The following OGDHL variants were observed in gnomAD, a reference collection of about 807,000 sequenced individuals.
The protein encoded by OGDHL is 2-oxoglutarate dehydrogenase-like, mitochondrial.
A neutral mutation model predicts 109.6 loss-of-function variants in OGDHL; 79 were observed. That is an observed-to-expected ratio of 0.72 (90% confidence interval 0.60 to 0.87). OGDHL has a LOEUF of 0.87. OGDHL is among the 40% of genes least tolerant of loss of function. The probability of loss-of-function intolerance (pLI) is 0.00; values close to 1 mark genes in which losing one functional copy is unlikely to be tolerated. For missense variants in OGDHL, 1,275 were observed against 1,362.2 expected (o/e 0.94, Z 1.01); for synonymous variants, 528 against 537.2 (o/e 0.98, Z 0.24).
At chr10:49,740,957 G>GC in intron 15 of OGDHL, 120 bp from the exon 16 acceptor site, 1 of 1,289,528 alleles carries the variant, frequency 7.8e-7, no homozygotes, top group Non-Finnish European at 1.1e-6. Flanking sequence ...CAGGAAACCT[G>GC]CAGGGTCCCA....
chr10:49,753,170 A>C (rs1396302273), intron 3 of OGDHL, among the ~76,000 whole-genome samples: 2 of 152,226 alleles, frequency 1.3e-5, no homozygotes, highest in Non-Finnish European at 2.9e-5. Flanking sequence ...ATTGTTAAGC[A>C]AAAAAGCAAA....
At chr10:49,742,745 C>A (rs929971287) in intron 15 of OGDHL, 83 bp downstream of exon 15, 33 of 1,497,880 alleles carry the variant, frequency 2.2e-5, no homozygotes, top group Middle Eastern at 2.2e-4. Context: ...CCCACCCCAA[C>A]AAAGGCCCCC....
At chr10:49,747,269 C>A (rs1461798709) in intron 8 of OGDHL, 61 bp from the exon 9 acceptor site, 2 of 1,560,466 alleles carry the variant, frequency 1.3e-6, no homozygotes, top group East Asian at 2.2e-5. Flanking sequence ...GGCAGATACA[C>A]AGGCAGGCAC....
chr10:49,738,397 T>A, intron 17 of OGDHL, 135 bp from the exon 18 acceptor site: 1 of 819,388 alleles, frequency 1.2e-6, no homozygotes, highest in Non-Finnish European at 1.9e-6. Flanking sequence ...GCCTGAACCA[T>A]AGAAAAGAAC....
rs753780157 is a variant in OGDHL at position 49,739,785 on chromosome 10, G to A, written c.2195C>T (p.Ala732Val). Residue 732 changes from alanine to valine, a missense_variant, in exon 17 of 23, where the codon GCC (alanine) becomes GTC (valine). Coordinates refer to ENST00000374103, the MANE Select transcript of OGDHL (RefSeq NM_018245.3). ...CGTGTTGTGGAAGTCCCCAAACTGGGCCTCCCAGAGGACCAGGGCATTGGG... is the reference window on the plus strand; with the variant it reads ...CGTGTTGTGGAAGTCCCCAAACTGGACCTCCCAGAGGACCAGGGCATTGGG... Reference protein sequence around the residue: ...ASPNALVLWEAQFGDFHNTAQ... With the variant: ...ASPNALVLWEVQFGDFHNTAQ... 6.2e-7 allele frequency: 1 copy of A among 1,614,156 alleles called. No individual in the cohort carries two copies. The highest frequency in any genetic ancestry group is 8.5e-7 in the Non-Finnish European group (1 of 1,179,996).
chr10:49,752,324 G>A, intron 4 of OGDHL, 76 bp from the exon 5 acceptor site: 1 of 1,098,310 alleles, frequency 9.1e-7, no homozygotes, highest in Non-Finnish European at 1.4e-6. Context: ...GAGCCCCGCA[G>A]TCTCACCAGA....
chr10:49,742,534 C>CACACCAA (rs1841853807), intron 15 of OGDHL, among the ~76,000 whole-genome samples: 1 of 96,336 alleles, frequency 1.0e-5, no homozygotes, highest in Admixed American at 9.5e-5. Context: ...ACACCACACA[C>CACACCAA]ACACACCACA....
Position 49,735,249 on chromosome 10 carries a change from G to C in OGDHL, c.3012C>G (p.Ala1004=). The change falls in exon 23 of 23, where the codon GCC becomes GCG. Residue 1004 remains alanine, a synonymous_variant. Transcript: ENST00000374103. ...AGCTCTAAAATGTCTTGCCCTCAAA[G>C]GCCTGGAGATTGAAGGCAGTATCCA... ...KFLDTAFNLQ[A]FEGKTF The C allele has an allele frequency of 1.9e-6, 3 of 1,614,056 alleles. No individual in the cohort carries two copies. The highest frequency in any genetic ancestry group is 2.5e-6 in the Non-Finnish European group (3 of 1,179,950).
In OGDHL at chr10:49,751,974, T is replaced by C. The variant is rs755121012; in HGVS notation, c.602A>G (p.Tyr201Cys). 9.9e-6 allele frequency: 16 copies of C among 1,613,980 alleles called. No individual in the cohort carries two copies. Among genetic ancestry groups the C allele is most frequent in the African/African-American group, 4.0e-5 (3 of 74,894 alleles). ...REIIRRLENT[Y>C]CQHIGLEFMF... ...GAACTCCAGGCCAATGTGCTGGCAG[T>C]AGGTGTTCTGGGGAGACACATTGGG... is the stretch of plus-strand genomic sequence containing the variant. The change falls in exon 6 of 23, where the codon TAC becomes TGC. Residue 201 changes from tyrosine (Y) to cysteine (C), a missense_variant. Tyr to Cys is a radical substitution (Grantham distance 194). Coordinates refer to ENST00000374103, the MANE Select transcript of OGDHL (RefSeq NM_018245.3).
chr10:49,758,019 T>C (rs1400314178), intron 2 of OGDHL, among the ~76,000 whole-genome samples: 3 of 152,198 alleles, frequency 2.0e-5, no homozygotes, highest in African/African-American at 7.2e-5. Flanking sequence ...CACCCTCCCA[T>C]CTAATTTAAT....
intron 9 of OGDHL, 47 bp downstream of exon 9, chr10:49,746,982 C>T (rs1387774048): frequency 1.1e-5 from 18 of 1,608,304 alleles, no homozygotes; most frequent in Non-Finnish European, 1.5e-5. Context: ...CCCTCTGGGC[C>T]CACCCTGAAG....
At chr10:49,738,344 G>A in intron 17 of OGDHL, 82 bp from the exon 18 acceptor site, 2 of 1,493,782 alleles carry the variant, frequency 1.3e-6, no homozygotes, top group Non-Finnish European at 1.8e-6. Context: ...AGGCTCAGGG[G>A]AAAGTCTGGA....
rs754091026 is a variant in OGDHL, at chr10:49,751,890, C to T, written c.686G>A (p.Gly229Asp). ...QWIRQKFETP[G>D]VMQFSSEEKR... Reference sequence around the variant, plus strand: ...CTCCTCGCTGGAGAACTGCATCACACCAGGGGTCTCAAACTTCTGCCGGAT... The same window carrying T: ...CTCCTCGCTGGAGAACTGCATCACATCAGGGGTCTCAAACTTCTGCCGGAT... The change falls in exon 6 of 23, where the codon GGT (glycine) becomes GAT (aspartate). Residue 229 changes from glycine (G) to aspartate (D), a missense_variant. By Grantham distance (94) the Gly-to-Asp change is moderately conservative. Transcript: ENST00000374103. 3 of 1,614,198 alleles carry T rather than the reference C, an allele frequency of 1.9e-6. No individual in the cohort carries two copies. Among genetic ancestry groups the T allele is most frequent in the Non-Finnish European group, 2.5e-6 (3 of 1,180,046 alleles).
intron 8 of OGDHL, among the ~76,000 whole-genome samples, chr10:49,748,109 AC>A (rs1173689988): frequency 6.6e-6 from 1 of 152,102 alleles, no homozygotes. Flanking sequence ...GTTCAGTCCC[AC>A]CCCCGTAGCT....
intron 15 of OGDHL, among the ~76,000 whole-genome samples, chr10:49,742,033 C>T (rs1433756748): frequency 8.8e-6 from 1 of 114,090 alleles, no homozygotes; most frequent in African/African-American, 2.7e-5. Context: ...AAACATGACA[C>T]ATACCACACA....
chr10:49,758,790 A>T, intron 1 of OGDHL, 197 bp from the exon 2 acceptor site: 1 of 614,882 alleles, frequency 1.6e-6, no homozygotes, highest in Non-Finnish European at 2.9e-6. Context: ...CCAGCTCAGT[A>T]AACTCTATCA....
At position 49,742,866 on chromosome 10, in the gene OGDHL, C is replaced by T. The variant is rs1841883418; in HGVS notation, c.1974G>A (p.Val658=). ...FGSLLKEGIH[V]RLSGQDVERG... ...TCTCCACATCCTGCCCGCTGAGCCG[C>T]ACGTGGATGCCTTCCTTCAGCAGGG... Residue 658 remains valine (V), a synonymous_variant, in exon 15 of 23, where the codon GTG becomes GTA. Transcript: ENST00000374103. 4 of 1,613,946 alleles carry T rather than the reference C, an allele frequency of 2.5e-6. No homozygotes were observed. The highest frequency in any genetic ancestry group is 1.3e-5 in the African/African-American group (1 of 75,066).
chr10:49,736,671 A>G, intron 20 of OGDHL, 151 bp from the exon 21 acceptor site: 1 of 806,620 alleles, frequency 1.2e-6, no homozygotes, highest in Non-Finnish European at 1.9e-6. Flanking sequence ...TTGAACTAAA[A>G]GATGGAGCAG....
chr10:49,749,851 A>C, intron 7 of OGDHL, 35 bp from the exon 8 acceptor site: 1 of 1,544,356 alleles, frequency 6.5e-7, no homozygotes, highest in Middle Eastern at 1.7e-4. Flanking sequence ...CACCTGGCAA[A>C]GCCCGCAGGC....
Sources: allele counts gnomAD v4.1 joint callset (sites outside exome capture counted in the v4.1 genomes callset), GRCh38; gene constraint gnomAD v4.1.1; transcripts MANE v1.5; gene names NCBI Gene and HGNC (gene_info 2026-07-23, HGNC 2026-07-21).